TSHZ2: variants seen among roughly 807,000 people sequenced by gnomAD.
TSHZ2 encodes the protein teashirt homolog 2.
Under a neutral mutation model 74.4 loss-of-function variants are expected in TSHZ2, and 21 were observed. The ratio of observed to expected loss-of-function variants is 0.28; its 90% CI spans 0.20 to 0.41. The LOEUF is 0.41. TSHZ2 is among the 10% of genes least tolerant of loss of function. The pLI is 1.00. For synonymous variants in TSHZ2, 540 were observed against 515.3 expected (o/e 1.05, Z -0.65); for missense variants, 1,244 against 1,293.5 (o/e 0.96, Z 0.59).
At chr20:53,004,279 A>G (rs888080094) in intron 1 of TSHZ2, among the ~76,000 whole-genome samples, 1 of 152,234 alleles carries the variant, frequency 6.6e-6, no homozygotes, top group Non-Finnish European at 1.5e-5. Flanking sequence ...CACATTGCTC[A>G]GTCCTACTTA....
rs79585394 is a variant in TSHZ2, at chr20:53,255,019, G to A, written c.1561G>A (p.Glu521Lys). 1 of 1,614,124 alleles carries A rather than the reference G, an allele frequency of 6.2e-7. No homozygotes were observed. The highest frequency in any genetic ancestry group is 8.5e-7 in the Non-Finnish European group (1 of 1,180,020). Residue 521 changes from glutamate to lysine, a missense_variant, in exon 2 of 3, where the codon GAA (glutamate) becomes AAA (lysine). Glu to Lys is a moderately conservative substitution (Grantham distance 56). Coordinates refer to ENST00000371497, the MANE Select transcript of TSHZ2 (RefSeq NM_173485.6). This position sits in a 1 kb window ranked among gnomAD's most constrained non-coding sequence, Gnocchi z 4.1. ...KGGGDILKSL[E>K]NTVTTAINKA... ...TGGAGGGGACATTTTGAAATCTTTGGAAAATACTGTCACCACAGCCATCAA... is the reference window on the plus strand; with the variant it reads ...TGGAGGGGACATTTTGAAATCTTTGAAAAATACTGTCACCACAGCCATCAA...
chr20:53,009,393 CTCT>C (rs1222944187), intron 1 of TSHZ2, among the ~76,000 whole-genome samples: 1 of 152,096 alleles, frequency 6.6e-6, no homozygotes, highest in African/African-American at 2.4e-5. Context: ...ACAGTGCTCA[CTCT>C]TCTTTTTCTT....
intron 2 of TSHZ2, among the ~76,000 whole-genome samples, chr20:53,444,795 T>C (rs1984487770): frequency 6.6e-6 from 1 of 152,148 alleles, no homozygotes; most frequent in Admixed American, 6.5e-5. Context: ...CCTACCAAAG[T>C]CTTCATTCAT....
intron 1 of TSHZ2, among the ~76,000 whole-genome samples, chr20:53,242,584 T>C (rs567195810): frequency 6.6e-6 from 1 of 152,238 alleles, no homozygotes; most frequent in East Asian, 1.9e-4. Flanking sequence ...GCTCCTGAGT[T>C]CACATCACAC....
chr20:53,367,636 T>C (rs1188162126), intron 2 of TSHZ2, among the ~76,000 whole-genome samples: 2 of 151,466 alleles, frequency 1.3e-5, no homozygotes, highest in African/African-American at 4.8e-5. Context: ...AGTGGCGCGA[T>C]CTCGGCTCAC....
At chr20:53,198,543 G>A (rs1988928769) in intron 1 of TSHZ2, among the ~76,000 whole-genome samples, 1 of 152,176 alleles carries the variant, frequency 6.6e-6, no homozygotes, top group African/African-American at 2.4e-5. Flanking sequence ...ACTGATTCCT[G>A]AGCCAAGTCA....
At chr20:53,152,916 A>G (rs1987707775) in intron 1 of TSHZ2, among the ~76,000 whole-genome samples, 2 of 152,080 alleles carry the variant, frequency 1.3e-5, no homozygotes, top group African/African-American at 4.8e-5. Context: ...AGAATTGCCT[A>G]CCCCAGTCCT....
At chr20:53,061,089 A>G (rs1444150636) in intron 1 of TSHZ2, among the ~76,000 whole-genome samples, 2 of 152,226 alleles carry the variant, frequency 1.3e-5, no homozygotes, top group African/African-American at 4.8e-5. Flanking sequence ...TACAAAATTG[A>G]CACTGTTGAA....
At chr20:53,010,920 A>G (rs2122997865) in intron 1 of TSHZ2, among the ~76,000 whole-genome samples, 1 of 152,248 alleles carries the variant, frequency 6.6e-6, no homozygotes, top group Admixed American at 6.5e-5. Context: ...AGAGTTGGAC[A>G]TTTTCTTTAT....
At chr20:52,981,062 G>A (rs1315890103) in intron 1 of TSHZ2, among the ~76,000 whole-genome samples, 1 of 152,166 alleles carries the variant, frequency 6.6e-6, no homozygotes, top group Non-Finnish European at 1.5e-5. Flanking sequence ...AGCCATAAAT[G>A]CGTTTTATAT....
At chr20:52,987,843 C>T (rs1981831087) in intron 1 of TSHZ2, among the ~76,000 whole-genome samples, 1 of 152,090 alleles carries the variant, frequency 6.6e-6, no homozygotes, top group African/African-American at 2.4e-5. Flanking sequence ...ATCAGTGAGA[C>T]AAGAAAGAAG....
intron 2 of TSHZ2, among the ~76,000 whole-genome samples, chr20:53,264,284 C>A (rs546882305): frequency 2.6e-4 from 39 of 152,156 alleles, no homozygotes; most frequent in Non-Finnish European, 5.1e-4. Context: ...ATTTCAGGTG[C>A]AGGTAGCAGG....
chr20:53,037,546 G>C (rs1366510327), intron 1 of TSHZ2, among the ~76,000 whole-genome samples: 3 of 152,124 alleles, frequency 2.0e-5, no homozygotes, highest in Non-Finnish European at 4.4e-5. Flanking sequence ...AAGTATTTCT[G>C]TATTTCCATC....
In TSHZ2 at chr20:53,418,966, C is replaced by T. The variant is rs149525656; in HGVS notation, c.*9-68178C>T. Among the ~76,000 whole-genome samples the T allele has an allele frequency of 4.9e-3, 751 of 152,314 alleles. 5 individuals carry two copies. The highest frequency in any genetic ancestry group is 0.017 in the African/African-American group (703 of 41,574). On this transcript the variant is annotated intron_variant, in intron 2 of 2. Coordinates refer to ENST00000371497, the MANE Select transcript of TSHZ2 (RefSeq NM_173485.6). ...AACATCCGGGTTCATCCCTCTCTCT[C>T]CTCCAGCCTCCTCCACTCAGCTCCT...
intron 2 of TSHZ2, among the ~76,000 whole-genome samples, chr20:53,355,829 T>C (rs1261644626): frequency 6.6e-6 from 1 of 152,198 alleles, no homozygotes; most frequent in Non-Finnish European, 1.5e-5. Context: ...AGAAAGGATT[T>C]CCTAAGGAGG....
chr20:53,033,274 G>T (rs966708783), intron 1 of TSHZ2, among the ~76,000 whole-genome samples: 2 of 152,218 alleles, frequency 1.3e-5, no homozygotes, highest in African/African-American at 4.8e-5. Context: ...GCTGAAAGCA[G>T]GTGGCTTGCT....
At chr20:53,088,215 G>GT (rs1985757133) in intron 1 of TSHZ2, among the ~76,000 whole-genome samples, 1 of 152,124 alleles carries the variant, frequency 6.6e-6, no homozygotes, top group Non-Finnish European at 1.5e-5. Flanking sequence ...CATTTAGTAA[G>GT]TTTTTGTTGG....
At chr20:53,306,152 G>C (rs549703398) in intron 2 of TSHZ2, among the ~76,000 whole-genome samples, 1 of 152,126 alleles carries the variant, frequency 6.6e-6, no homozygotes, top group Admixed American at 6.5e-5. Context: ...CTTGCACCAC[G>C]GTCATACCAT....
chr20:53,315,779 A>T (rs907448599), intron 2 of TSHZ2, among the ~76,000 whole-genome samples: 2 of 152,222 alleles, frequency 1.3e-5, no homozygotes, highest in African/African-American at 4.8e-5. Flanking sequence ...TAAATAAATA[A>T]CTAATCCATT....
Sources: gnomAD v4.1 joint callset for allele counts (sites outside exome capture counted in the v4.1 genomes callset) on GRCh38, gnomAD v4.1.1 for gene constraint, Gnocchi (gnomAD v3.1) non-coding constraint, MANE v1.5 for transcripts, NCBI Gene and HGNC (gene_info 2026-07-23, HGNC 2026-07-21) for gene names.